RNF123: variants seen among roughly 807,000 people sequenced by gnomAD.
RNF123 encodes ring finger protein 123, also known as E3 ubiquitin-protein ligase RNF123.
A neutral mutation model predicts 168.5 loss-of-function variants in RNF123; 86 were observed. The observed-to-expected ratio is 0.51, with a 90% CI of 0.43 to 0.61. The LOEUF (loss-of-function observed/expected upper bound fraction) is 0.61, where lower values mean the gene tolerates loss of function less well. Among genes scored for constraint, RNF123 ranks in the 20% least tolerant of loss-of-function variants. The probability of loss-of-function intolerance (pLI) is 0.00; values close to 1 mark genes in which losing one functional copy is unlikely to be tolerated. For missense variants in RNF123, 1,419 were observed against 1,729.7 expected, an observed-to-expected ratio of 0.82 and a Z score of 3.19; for synonymous variants, 666 against 689.1, an observed-to-expected ratio of 0.97 and a Z score of 0.52.
chr3:49,704,878 G>A (rs889618981), intron 22 of RNF123, 106 bp from the exon 23 acceptor site: 12 of 1,398,722 alleles, frequency 8.6e-6, no homozygotes, highest in South Asian at 6.8e-5. Context: ...CTGGGCTGGT[G>A]CCTTGCTGTG....
In RNF123 at chr3:49,697,058, G is replaced by A. The variant is rs757359452; in HGVS notation, c.168-85G>A. The stretch of plus-strand genomic sequence containing the variant: ...TCTGGAGTCTAGGCAGCCCCCCTGT[G>A]AGCTCAGGGGAAAGGATGGGATTTA... On this transcript the variant is annotated intron_variant, in intron 3 of 38. Coordinates refer to ENST00000327697, the MANE Select transcript of RNF123 (RefSeq NM_022064.5). The A allele has an allele frequency of 3.4e-6, 4 of 1,171,442 alleles. No individual in the cohort carries two copies. In the South Asian group the frequency reaches 5.2e-5, roughly 15 times the overall value. The allele number at this position is 1,171,442 out of a possible 1,614,324, so 72.6% of individuals were successfully genotyped here. A position where few individuals can be genotyped will look rare whatever the true frequency, so the allele number is the denominator to read the frequency against.
intron 12 of RNF123, 112 bp from the exon 13 acceptor site, chr3:49,700,115 G>T: frequency 6.8e-7 from 1 of 1,480,362 alleles, no homozygotes; most frequent in Non-Finnish European, 9.1e-7. Flanking sequence ...GGTGTTGCTC[G>T]AGTGGCTCAA....
chr3:49,691,248 G>T lies in RNF123; in HGVS notation c.82+1G>T. The T allele has an allele frequency of 1.2e-6, 2 of 1,613,862 alleles. No homozygotes were observed. The highest frequency in any genetic ancestry group is 1.7e-6 in the Non-Finnish European group (2 of 1,179,746). On this transcript the variant is annotated splice_donor_variant, in intron 2 of 38. Transcript: ENST00000327697. LOFTEE classifies it high-confidence loss of function. ...GATGCTGAGAAATCCAGGGTCACAG[G>T]TAAGAGCTGGCAGGGAAGGAAGGAG...
chr3:49,712,033 T>C (rs916407481), intron 26 of RNF123, among the ~76,000 whole-genome samples: 1 of 152,098 alleles, frequency 6.6e-6, no homozygotes, highest in Non-Finnish European at 1.5e-5. Context: ...AAGACCAGCC[T>C]GGCCAACATG....
intron 2 of RNF123, 72 bp from the exon 3 acceptor site, chr3:49,691,353 C>T: frequency 6.3e-7 from 1 of 1,595,338 alleles, no homozygotes; most frequent in Non-Finnish European, 8.6e-7. Flanking sequence ...GACCAGAAGT[C>T]TCTGGGGCCA....
chr3:49,719,776 A>G (rs1330770834), intron 35 of RNF123: 16 of 324,600 alleles, frequency 4.9e-5, no homozygotes, highest in Non-Finnish European at 9.6e-5. Flanking sequence ...GGGCGGCTAC[A>G]TCCCTTTGTG....
intron 35 of RNF123, chr3:49,717,940 C>T: frequency 6.2e-7 from 1 of 1,606,440 alleles, no homozygotes; most frequent in Non-Finnish European, 8.5e-7. Flanking sequence ...GGTGGGGGAG[C>T]CCTGGGCAGT....
chr3:49,704,079 A>G (rs955324595), intron 21 of RNF123, among the ~76,000 whole-genome samples: 1 of 152,182 alleles, frequency 6.6e-6, no homozygotes, highest in Non-Finnish European at 1.5e-5. Context: ...ATGGGGTGCC[A>G]TCAGGGAGAG....
intron 16 of RNF123, 90 bp downstream of exon 16, chr3:49,701,698 T>C: frequency 6.8e-7 from 1 of 1,466,184 alleles, no homozygotes; most frequent in Admixed American, 1.7e-5. Context: ...TGAGGCCTTT[T>C]CACTGGCCCT....
Position 49,699,621 on chromosome 3 carries a change from C to T in RNF123, c.879+39C>T. 3 of 1,611,884 alleles carry T rather than the reference C, an allele frequency of 1.9e-6. No homozygotes were observed. Among genetic ancestry groups the T allele is most frequent in the South Asian group, 2.2e-5 (2 of 91,050 alleles). On this transcript the variant is annotated intron_variant, in intron 11 of 38. Coordinates refer to ENST00000327697, the MANE Select transcript of RNF123 (RefSeq NM_022064.5). This position sits in a 1 kb window ranked among gnomAD's most constrained non-coding sequence, Gnocchi z 4.8. The stretch of plus-strand genomic sequence containing the variant: ...TGGGCCAGGCGGGGTGGGGGGCTTC[C>T]ACAGCCTCCTGCCCCTCACACTTCT...
intron 35 of RNF123, chr3:49,718,753 C>A: frequency 6.2e-7 from 1 of 1,613,202 alleles, no homozygotes. Flanking sequence ...GGCGCTCAGG[C>A]CCCGCTGGTG....
chr3:49,702,462 G>T, intron 19 of RNF123, 57 bp downstream of exon 19: 1 of 1,602,582 alleles, frequency 6.2e-7, no homozygotes, highest in South Asian at 1.1e-5. Context: ...CACATGCCAT[G>T]CCCTCAGCAC....
In RNF123 at chr3:49,700,690, T is replaced by A. The variant is rs1163307089; in HGVS notation, c.1258T>A (p.Phe420Ile). 1 of 1,614,050 alleles carries A rather than the reference T, an allele frequency of 6.2e-7. No individual in the cohort carries two copies. The highest frequency in any genetic ancestry group is 1.3e-5 in the African/African-American group (1 of 74,938). The change falls in exon 15 of 39, where the codon TTT becomes ATT. Residue 420 changes from phenylalanine (F) to isoleucine (I), a missense_variant. Physicochemically the swap from Phe to Ile is conservative, Grantham distance 21. Transcript: ENST00000327697. The part of the protein sequence containing the change: ...AILRHEKSRK[F>I]LLSNVLFDVL... ...CCTGAGGCATGAGAAGTCCCGCAAG[T>A]TTCTGCTTAGCAATGTCCTGTATCC...
chr3:49,694,364 C>A (rs2054227663), intron 3 of RNF123, among the ~76,000 whole-genome samples: 1 of 152,322 alleles, frequency 6.6e-6, no homozygotes, highest in South Asian at 2.1e-4. Flanking sequence ...CTATTTTTAT[C>A]ATCAAATGTT....
At chr3:49,692,462 A>C (rs1354471935) in intron 3 of RNF123, among the ~76,000 whole-genome samples, 3 of 152,192 alleles carry the variant, frequency 2.0e-5, no homozygotes, top group African/African-American at 7.2e-5. Flanking sequence ...CCATCCCCTC[A>C]AGCATTTATC....
intron 26 of RNF123, among the ~76,000 whole-genome samples, chr3:49,710,051 T>C (rs1329683319): frequency 6.8e-6 from 1 of 147,644 alleles, no homozygotes; most frequent in Admixed American, 6.8e-5. Context: ...TGTTGCCCAG[T>C]TGTCAAACTC....
At chr3:49,720,344 G>A (rs1161894039) in intron 35 of RNF123, 167 bp from the exon 36 acceptor site, 1 of 545,520 alleles carries the variant, frequency 1.8e-6, no homozygotes, top group East Asian at 3.2e-5. Context: ...CAGGCTGTGT[G>A]GCACCTTACT....
intron 24 of RNF123, 97 bp downstream of exon 24, chr3:49,705,776 T>C: frequency 6.4e-7 from 1 of 1,568,040 alleles, no homozygotes; most frequent in Non-Finnish European, 8.7e-7. Flanking sequence ...GGGCTGCCTG[T>C]TCAAGACCGT....
In RNF123 at chr3:49,697,912, A is replaced by G. The variant is rs1230046489; in HGVS notation, c.370A>G (p.Ile124Val). 6.2e-7 allele frequency: 1 copy of G among 1,614,180 alleles called. No homozygotes were observed. Among genetic ancestry groups the G allele is most frequent in the Non-Finnish European group, 8.5e-7 (1 of 1,180,026 alleles). The change falls in exon 6 of 39, where the codon ATC (isoleucine) becomes GTC (valine). Residue 124 changes from isoleucine (I) to valine (V), a missense_variant. Physicochemically the swap from Ile to Val is conservative, Grantham distance 29 (BLOSUM62 3). Around this residue, in one of 5 missense-constraint regions of RNF123, gnomAD observed 318 missense variants for 446.6 expected, o/e 0.71. Transcript: ENST00000327697. ...GVIGHSNFGT[I>V]RSTTCVYKGK... Reference sequence around the variant, plus strand: ...GATTGGACACAGCAACTTTGGCACCATCCGCTCTACCACATGCGTGTACAA... The same window carrying G: ...GATTGGACACAGCAACTTTGGCACCGTCCGCTCTACCACATGCGTGTACAA...
Sources: gnomAD v4.1 joint callset for allele counts (sites outside exome capture counted in the v4.1 genomes callset) on GRCh38, gnomAD v4.1.1 for gene constraint, gnomAD v4.1.1 regional missense constraint, Gnocchi (gnomAD v3.1) non-coding constraint, MANE v1.5 for transcripts, NCBI Gene and HGNC (gene_info 2026-07-23, HGNC 2026-07-21) for gene names.